Variants in LRPPRC observed in about 807,000 individuals in gnomAD.
LRPPRC encodes the protein leucine rich pentatricopeptide repeat containing, also known as leucine-rich PPR motif-containing protein, mitochondrial.
A neutral mutation model predicts 180.3 loss-of-function variants in LRPPRC; 120 were observed. That is an observed-to-expected ratio of 0.67 (90% CI 0.57 to 0.77). The LOEUF (loss-of-function observed/expected upper bound fraction) is 0.77, where lower values mean the gene tolerates loss of function less well. Ranked by LOEUF, LRPPRC falls within the 30% of genes least tolerant of loss-of-function variation. The pLI is 0.00. For missense variants in LRPPRC, 2,012 were observed against 1,657.2 expected (o/e 1.21, Z -3.72); for synonymous variants, 723 against 600.0 (o/e 1.21, Z -3.00).
chr2:43,966,945 A>G (rs1673586826), intron 11 of LRPPRC, among the ~76,000 whole-genome samples: 1 of 151,894 alleles, frequency 6.6e-6, no homozygotes, highest in Non-Finnish European at 1.5e-5. Context: ...CAGCTACTAG[A>G]GAGGCTGAAG....
At chr2:43,978,033 T>C (rs912881029) in intron 3 of LRPPRC, among the ~76,000 whole-genome samples, 1 of 152,162 alleles carries the variant, frequency 6.6e-6, no homozygotes, top group Non-Finnish European at 1.5e-5. Context: ...ATTAAATTAA[T>C]ACACATTTTT....
intron 2 of LRPPRC, among the ~76,000 whole-genome samples, chr2:43,981,889 C>T (rs1175817845): frequency 2.7e-5 from 4 of 148,116 alleles, no homozygotes; most frequent in Non-Finnish European, 5.9e-5. Context: ...ATTACTTTTG[C>T]ACCAACCTAA....
chr2:43,898,756 T>C (rs528490288), intron 34 of LRPPRC, among the ~76,000 whole-genome samples: 3 of 152,278 alleles, frequency 2.0e-5, no homozygotes, highest in Admixed American at 2.0e-4. Context: ...ACTGAGAATG[T>C]TTGAGTATTC....
At chr2:43,938,583 G>A (rs1290714132) in intron 23 of LRPPRC, among the ~76,000 whole-genome samples, 1 of 152,098 alleles carries the variant, frequency 6.6e-6, no homozygotes, top group African/African-American at 2.4e-5. Context: ...ATTATTACAC[G>A]GAAGAACATC....
intron 1 of LRPPRC, among the ~76,000 whole-genome samples, chr2:43,985,729 C>G (rs553075300): frequency 2.6e-5 from 4 of 152,304 alleles, no homozygotes; most frequent in African/African-American, 9.6e-5. Context: ...ACCCATTTGC[C>G]TACTGAAGGA....
intron 30 of LRPPRC, among the ~76,000 whole-genome samples, chr2:43,909,094 T>TA (rs1393969457): frequency 1.3e-5 from 2 of 152,216 alleles, no homozygotes; most frequent in Non-Finnish European, 2.9e-5. Flanking sequence ...ACCCACAAAA[T>TA]ATCTCTTGAA....
chr2:43,979,738 T>C (rs1298839678), intron 3 of LRPPRC, 88 bp downstream of exon 3: 25 of 1,172,828 alleles, frequency 2.1e-5, no homozygotes, highest in Non-Finnish European at 3.0e-5. Context: ...TAAAACTGAA[T>C]TACAGCATTT....
At chr2:43,948,665 G>C in intron 16 of LRPPRC, 147 bp from the exon 17 acceptor site, 2 of 664,810 alleles carry the variant, frequency 3.0e-6, no homozygotes, top group Non-Finnish European at 5.5e-6. Flanking sequence ...GAGGCATAGA[G>C]ATTATGTGGT....
rs898931938 is a variant in LRPPRC, at chr2:43,974,203, C to T, written c.1102G>A (p.Gly368Ser). The stretch of plus-strand genomic sequence containing the variant: ...AAGAAACTGCCAAAGACACTTGGGC[C>T]ATCTTCCTTTGATACGGGGCATGCT... ...LLACPVSKED[G>S]PSVFGSFFLQ... Residue 368 changes from glycine to serine, a missense_variant, in exon 9 of 38, where the codon GGC (glycine) becomes AGC (serine). Gly to Ser is a moderately conservative substitution (Grantham distance 56). Coordinates refer to ENST00000260665, the MANE Select transcript of LRPPRC (RefSeq NM_133259.4). 11 of 1,611,842 alleles carry T rather than the reference C, an allele frequency of 6.8e-6. No individual in the cohort carries two copies. Among genetic ancestry groups the T allele is most frequent in the Non-Finnish European group, 7.6e-6 (9 of 1,178,026 alleles).
rs1307742703 is a variant in LRPPRC, at chr2:43,887,190, G to A, written c.*1410C>T. The A allele has an allele frequency of 3.6e-5, 5 of 137,024 alleles. No homozygotes were observed. Among genetic ancestry groups the A allele is most frequent in the African/African-American group, 5.2e-5 (2 of 38,524 alleles). 8.5% of individuals were successfully genotyped at this position (137,024 alleles called of 1,614,324 possible). A position where few individuals can be genotyped will look rare whatever the true frequency, so the allele number is the denominator to read the frequency against. ...GATGCTTTTGGCAAACCTGTAACATGTGCAGGTCCTGCATCTGGGCAGTGC... is the reference window on the plus strand; with the variant it reads ...GATGCTTTTGGCAAACCTGTAACATATGCAGGTCCTGCATCTGGGCAGTGC... On this transcript the variant is annotated 3_prime_UTR_variant, in exon 38 of 38. Coordinates refer to ENST00000260665, the MANE Select transcript of LRPPRC (RefSeq NM_133259.4).
chr2:43,951,187 G>A lies in LRPPRC; in HGVS notation c.1650-587C>T, dbSNP rs138442683. Among the ~76,000 whole-genome samples, 276 of 152,352 alleles carry A rather than the reference G, an allele frequency of 1.8e-3. 2 individuals carry two copies. Among genetic ancestry groups the A allele is most frequent in the African/African-American group, 6.5e-3 (271 of 41,596 alleles). ...TGTGCCTTTAAATATAATTCCCTGA[G>A]AAGACAGAGTATCACTCATGTGGTC... is the stretch of plus-strand genomic sequence containing the variant. On this transcript the variant is annotated intron_variant, in intron 14 of 37. Coordinates refer to ENST00000260665, the MANE Select transcript of LRPPRC (RefSeq NM_133259.4).
intron 25 of LRPPRC, among the ~76,000 whole-genome samples, chr2:43,932,621 T>C (rs1672132014): frequency 6.6e-6 from 1 of 152,148 alleles, no homozygotes; most frequent in Non-Finnish European, 1.5e-5. Flanking sequence ...ATATTTTGAA[T>C]TATGTGAGGT....
In LRPPRC at chr2:43,957,435, C is replaced by A. The variant is rs769799312; in HGVS notation, c.1599G>T (p.Leu533Phe). 1 of 1,612,946 alleles carries A rather than the reference C, an allele frequency of 6.2e-7. No homozygotes were observed. Among genetic ancestry groups the A allele is most frequent in the South Asian group, 1.1e-5 (1 of 91,056 alleles). ...TTCTTATAGACTGCAGCGAGATGGG[C>A]AATGTATTTGATTTCACTGCAAAAG... ...FVLSFLKSNT[L>F]PISLQSIRSS... Residue 533 changes from leucine to phenylalanine, a missense_variant, in exon 14 of 38, where the codon TTG (leucine) becomes TTT (phenylalanine). Coordinates refer to ENST00000260665, the MANE Select transcript of LRPPRC (RefSeq NM_133259.4).
chr2:43,903,707 T>A (rs1208970113), intron 31 of LRPPRC: 1 of 151,178 alleles, frequency 6.6e-6, no homozygotes, highest in African/African-American at 2.4e-5. Context: ...TCCTGTAGCT[T>A]ACACAGGGCA....
intron 1 of LRPPRC, among the ~76,000 whole-genome samples, chr2:43,993,495 G>C (rs1017580045): frequency 3.3e-5 from 5 of 152,200 alleles, no homozygotes; most frequent in Non-Finnish European, 5.9e-5. Context: ...TAAAGGGACA[G>C]AGAAGTATGG....
chr2:43,915,735 T>C (rs1247797269), intron 29 of LRPPRC, among the ~76,000 whole-genome samples: 1 of 152,184 alleles, frequency 6.6e-6, no homozygotes, highest in Admixed American at 6.5e-5. Context: ...TGAGGAGGCA[T>C]AAGAACTTAT....
At position 43,905,232 on chromosome 2, in the gene LRPPRC, C is replaced by G. The variant is rs533846637; in HGVS notation, c.3364+460G>C. On this transcript the variant is annotated intron_variant, in intron 31 of 37. Transcript: ENST00000260665. ...TATAATCATTTGGTGCACAATCCCACACATTTAACACTCAATTTAACTGAT... is the reference window on the plus strand; with the variant it reads ...TATAATCATTTGGTGCACAATCCCAGACATTTAACACTCAATTTAACTGAT... 5.3e-5 allele frequency among the ~76,000 whole-genome samples: 8 copies of G among 152,328 alleles called. No individual in the cohort carries two copies. In the South Asian group the frequency reaches 1.7e-3, roughly 32 times the overall value.
chr2:43,954,874 G>A (rs939394985), intron 14 of LRPPRC, among the ~76,000 whole-genome samples: 4 of 152,088 alleles, frequency 2.6e-5, no homozygotes, highest in Non-Finnish European at 5.9e-5. Context: ...TTCATGTAGT[G>A]TTGTTAAGTG....
rs532086646 is a variant in LRPPRC at position 43,918,012 on chromosome 2, C to T, written c.3148+13G>A. 12 of 1,585,042 alleles carry T rather than the reference C, an allele frequency of 7.6e-6. No individual in the cohort carries two copies. Among genetic ancestry groups the T allele is most frequent in the African/African-American group, 4.0e-5 (3 of 74,240 alleles). On this transcript the variant is annotated intron_variant, in intron 29 of 37. Transcript: ENST00000260665. Reference sequence around the variant, plus strand: ...ACCCCCCCACACACACCCCCATCCCCGTATGTGCTTGCCTTTTTTTTGGTT... The same window carrying T: ...ACCCCCCCACACACACCCCCATCCCTGTATGTGCTTGCCTTTTTTTTGGTT...
Sources: gnomAD v4.1 joint callset for allele counts (sites outside exome capture counted in the v4.1 genomes callset) on GRCh38, gnomAD v4.1.1 for gene constraint, MANE v1.5 for transcripts, NCBI Gene and HGNC (gene_info 2026-07-23, HGNC 2026-07-21) for gene names.